Variants in ACAN observed in about 807,000 individuals in gnomAD.
The protein encoded by ACAN is aggrecan core protein.
In ACAN, 47 loss-of-function variants were observed where a neutral mutation model predicts 169.1. The observed-to-expected ratio is 0.28, with a 90% CI of 0.22 to 0.35. ACAN has a LOEUF of 0.35. Ranked by LOEUF, ACAN falls within the 10% of genes least tolerant of loss-of-function variation. The pLI is 1.00. For synonymous variants in ACAN, 1,115 were observed against 1,112.2 expected, an observed-to-expected ratio of 1.00 and a Z score of -0.05; for missense variants, 2,716 against 2,759.9, an observed-to-expected ratio of 0.98 and a Z score of 0.36.
chr15:88,848,637 G>T (rs769542255), intron 9 of ACAN, among the ~76,000 whole-genome samples: 3 of 152,162 alleles, frequency 2.0e-5, no homozygotes, highest in Non-Finnish European at 4.4e-5. Flanking sequence ...TTTAACCACA[G>T]ACCTTTATTT....
chr15:88,815,259 T>G (rs1895910229), intron 1 of ACAN, among the ~76,000 whole-genome samples: 2 of 152,042 alleles, frequency 1.3e-5, no homozygotes, highest in South Asian at 4.2e-4. Context: ...AAAGATTGGA[T>G]TCCAAGTAGA....
chr15:88,817,166 G>GAA (rs1895961698), intron 1 of ACAN, among the ~76,000 whole-genome samples: 2 of 147,516 alleles, frequency 1.4e-5, no homozygotes, highest in African/African-American at 5.4e-5. Flanking sequence ...CTTTGAGACA[G>GAA]AGCCTTGATT....
Position 88,843,790 on chromosome 15 carries a change from C to A in ACAN, c.1051+142C>A. 9.5e-7 allele frequency: 1 copy of A among 1,049,274 alleles called. No homozygotes were observed. Among genetic ancestry groups the A allele is most frequent in the Non-Finnish European group, 1.3e-6 (1 of 753,710 alleles). 65.0% of individuals were successfully genotyped at this position (1,049,274 alleles called of 1,614,324 possible). ...CCTGAACCCCATGTTTTTAGGACACCCCTCCATTTTCACTGGTTCCTAGGA... is the reference window on the plus strand; with the variant it reads ...CCTGAACCCCATGTTTTTAGGACACACCTCCATTTTCACTGGTTCCTAGGA... On this transcript the variant is annotated intron_variant, in intron 6 of 18. Coordinates refer to ENST00000560601, the MANE Select transcript of ACAN (RefSeq NM_001369268.1). This position sits in a 1 kb window ranked among gnomAD's most constrained non-coding sequence, Gnocchi z 4.0.
At chr15:88,819,273 G>A (rs1465705683) in intron 1 of ACAN, among the ~76,000 whole-genome samples, 1 of 152,182 alleles carries the variant, frequency 6.6e-6, no homozygotes. Context: ...TCTGGGACAG[G>A]TAGGCTGTTA....
chr15:88,831,484 A>C (rs1232679975), intron 1 of ACAN, among the ~76,000 whole-genome samples: 1 of 152,236 alleles, frequency 6.6e-6, no homozygotes, highest in African/African-American at 2.4e-5. Context: ...GGGTTGAAGG[A>C]GATCACTTCT....
chr15:88,874,447 A>T lies in ACAN; in HGVS notation c.7673A>T (p.His2558Leu). 2 of 1,606,744 alleles carry T rather than the reference A, an allele frequency of 1.2e-6. No individual in the cohort carries two copies. Among genetic ancestry groups the T allele is most frequent in the Non-Finnish European group, 8.5e-7 (1 of 1,177,148 alleles). Residue 2558 changes from histidine to leucine, a missense_variant, in exon 19 of 19, where the codon CAC (histidine) becomes CTC (leucine). This residue lies in a region of ACAN where 1,389 missense variants were observed against 1,363.7 expected (regional missense o/e 1.02). Coordinates refer to ENST00000560601, the MANE Select transcript of ACAN (RefSeq NM_001369268.1). This position sits in a 1 kb window ranked among gnomAD's most constrained non-coding sequence, Gnocchi z 7.3. ...AGACTACAGAAGCGGAGCTCACGGC[A>T]CCCTCGGAGGAGCCGCCCCAGCACA... ...KRRLQKRSSR[H>L]PRRSRPSTAH
Position 88,874,075 on chromosome 15 carries a change from C to T in ACAN, c.7630+51C>T, listed in dbSNP as rs576365623. ...TGAGCACAGGGTTAGATTCTGCCAG[C>T]ACAGCCTTCCCCCCGTCCCCTCTCC... On this transcript the variant is annotated intron_variant, in intron 18 of 18. Transcript: ENST00000560601. This position sits in a 1 kb window ranked among gnomAD's most constrained non-coding sequence, Gnocchi z 7.3. 4 of 1,595,390 alleles carry T rather than the reference C, an allele frequency of 2.5e-6. No homozygotes were observed. The African/African-American group carries it at 4.0e-5, about 16-fold the overall frequency.
At chr15:88,806,933 T>A (rs1895697508) in intron 1 of ACAN, among the ~76,000 whole-genome samples, 1 of 152,204 alleles carries the variant, frequency 6.6e-6, no homozygotes, top group Non-Finnish European at 1.5e-5. Context: ...GAAACTTTTG[T>A]TTCTGTTATT....
intron 1 of ACAN, among the ~76,000 whole-genome samples, chr15:88,806,846 C>T (rs759739439): frequency 2.0e-5 from 3 of 152,012 alleles, no homozygotes; most frequent in African/African-American, 4.8e-5. Flanking sequence ...ATCAATTTAG[C>T]GGGGTTCTTA....
chr15:88,848,554 C>T (rs778058506), intron 9 of ACAN, among the ~76,000 whole-genome samples: 5 of 152,196 alleles, frequency 3.3e-5, no homozygotes, highest in East Asian at 1.9e-4. Context: ...TGGCCAAATC[C>T]GGTCTCTACT....
chr15:88,849,620 C>A lies in ACAN; in HGVS notation c.1915C>A (p.Pro639Thr), dbSNP rs769287861. The A allele has an allele frequency of 6.2e-7, 1 of 1,612,340 alleles. No individual in the cohort carries two copies. The highest frequency in any genetic ancestry group is 8.5e-7 in the Non-Finnish European group (1 of 1,179,476). Residue 639 changes from proline (P) to threonine (T), a missense_variant, in exon 10 of 19, where the codon CCA (proline) becomes ACA (threonine). Transcript: ENST00000560601. This position sits in a 1 kb window ranked among gnomAD's most constrained non-coding sequence, Gnocchi z 5.1. Reference sequence around the variant, plus strand: ...CAGCCTCCGCTACCCCATCGTCACCCCAAGGCCTGCCTGCGGTGGGGACAA... The same window carrying A: ...CAGCCTCCGCTACCCCATCGTCACCACAAGGCCTGCCTGCGGTGGGGACAA... ...DGSLRYPIVT[P>T]RPACGGDKPG...
At position 88,856,832 on chromosome 15, in the gene ACAN, GAGA is replaced by G. The variant is rs1897056097; in HGVS notation, c.4250_4252del (p.Glu1417del). On this transcript the variant is annotated inframe_deletion, in exon 12 of 19. Transcript: ENST00000560601. ...GAGGAGATCAGCGGGCTTCCTTCTGGAGAAGTTCTAGAGACTACTGCCCCTGGA... is the reference window on the plus strand; with the variant it reads ...GAGGAGATCAGCGGGCTTCCTTCTGGAGTTCTAGAGACTACTGCCCCTGGA... The G allele has an allele frequency of 1.3e-6, 2 of 1,567,340 alleles. No homozygotes were observed. Among genetic ancestry groups the G allele is most frequent in the Non-Finnish European group, 1.7e-6 (2 of 1,151,908 alleles).
chr15:88,820,861 C>G (rs1374054831), intron 1 of ACAN, among the ~76,000 whole-genome samples: 1 of 152,064 alleles, frequency 6.6e-6, no homozygotes, highest in Non-Finnish European at 1.5e-5. Flanking sequence ...AACACATACC[C>G]AAGACTGGGT....
intron 5 of ACAN, among the ~76,000 whole-genome samples, 157 bp downstream of exon 5, chr15:88,842,024 T>A (rs535164799): frequency 3.3e-4 from 50 of 152,216 alleles, no homozygotes; most frequent in African/African-American, 1.2e-3. Context: ...GGCTGAGGCC[T>A]ACAGGTCTGC....
At chr15:88,852,837 A>G (rs1326133251) in intron 11 of ACAN, among the ~76,000 whole-genome samples, 1 of 152,226 alleles carries the variant, frequency 6.6e-6, no homozygotes, top group East Asian at 1.9e-4. Context: ...GTACAGTAGT[A>G]TGTGTGTATA....
Position 88,855,265 on chromosome 15 carries a change from C to T in ACAN, c.2680C>T (p.Leu894=). 6.2e-7 allele frequency: 1 copy of T among 1,608,640 alleles called. No homozygotes were observed. The highest frequency in any genetic ancestry group is 1.1e-5 in the South Asian group (1 of 91,004). ...GQLSGDRASG[L]PSGDLDSSGL... ...GCTGTCAGGGGACAGGGCAAGTGGA[C>T]TGCCCTCTGGAGACCTGGACTCCAG... is the stretch of plus-strand genomic sequence containing the variant. The change falls in exon 12 of 19, where the codon CTG becomes TTG. Residue 894 remains leucine (L), a synonymous_variant. Coordinates refer to ENST00000560601, the MANE Select transcript of ACAN (RefSeq NM_001369268.1).
intron 11 of ACAN, among the ~76,000 whole-genome samples, chr15:88,854,163 G>A (rs1384471852): frequency 6.6e-6 from 1 of 152,228 alleles, no homozygotes; most frequent in East Asian, 1.9e-4. Context: ...GAAAGTCACT[G>A]TATGTTTACA....
At chr15:88,805,756 G>A (rs1895664058) in intron 1 of ACAN, among the ~76,000 whole-genome samples, 1 of 152,166 alleles carries the variant, frequency 6.6e-6, no homozygotes. Context: ...GTAAATGAAT[G>A]TTTTTCTTTT....
intron 4 of ACAN, among the ~76,000 whole-genome samples, chr15:88,840,957 A>C (rs973383882): frequency 1.3e-5 from 2 of 152,150 alleles, no homozygotes; most frequent in African/African-American, 4.8e-5. Context: ...ATCCTAGCTA[A>C]CATGGTGAAA....
Sources: allele counts gnomAD v4.1 joint callset (sites outside exome capture counted in the v4.1 genomes callset), GRCh38; gene constraint gnomAD v4.1.1; regional missense constraint gnomAD v4.1.1; non-coding constraint Gnocchi (gnomAD v3.1); transcripts MANE v1.5; gene names NCBI Gene and HGNC (gene_info 2026-07-23, HGNC 2026-07-21).